Variants in NCK2 observed in about 807,000 individuals in gnomAD.
NCK2 encodes NCK adaptor protein 2.
In NCK2, 16 loss-of-function variants were observed where a neutral mutation model predicts 33.9. That is an observed-to-expected ratio of 0.47 (90% confidence interval 0.32 to 0.72). The LOEUF (loss-of-function observed/expected upper bound fraction) is 0.72. Among genes scored for constraint, NCK2 ranks in the 30% least tolerant of loss-of-function variants. The pLI, the probability that NCK2 is intolerant of heterozygous loss-of-function variation, is 0.03. For missense variants in NCK2, 418 were observed against 537.3 expected (o/e 0.78, Z 2.19); for synonymous variants, 273 against 239.9 (o/e 1.14, Z -1.27).
intron 2 of NCK2, among the ~76,000 whole-genome samples, chr2:105,832,906 T>C (rs1573175027): frequency 2.0e-5 from 3 of 151,684 alleles, no homozygotes; most frequent in Admixed American, 2.0e-4. Flanking sequence ...TTTTTTGGAA[T>C]AGTTTGAAAA....
chr2:105,812,129 T>G (rs1276942256), intron 1 of NCK2, among the ~76,000 whole-genome samples: 1 of 152,160 alleles, frequency 6.6e-6, no homozygotes, highest in African/African-American at 2.4e-5. Flanking sequence ...GCAGAAAAAC[T>G]TGATACTTTT....
chr2:105,807,764 TTCTCTCCCTCCCTCCCTCCCTTCTC>T, intron 1 of NCK2, among the ~76,000 whole-genome samples: 1 of 16,320 alleles, frequency 6.1e-5, no homozygotes, highest in Middle Eastern at 0.024. Context: ...CCTCCCTCCC[TTCTCTCCCTCCCTCCCTCCCTTCTC>T]TCTCTCCCTC....
chr2:105,893,149 G>T lies in NCK2; in HGVS notation c.1116G>T (p.Lys372Asn). The T allele has an allele frequency of 6.2e-7, 1 of 1,606,912 alleles. No individual in the cohort carries two copies. Among genetic ancestry groups the T allele is most frequent in the Admixed American group, 1.7e-5 (1 of 59,070 alleles). Residue 372 changes from lysine (K) to asparagine (N), a missense_variant, in exon 5 of 5, where the codon AAG becomes AAT. Transcript: ENST00000233154. ...APIFTSEHGE[K>N]LYLVRALQ ...TCTTCACCAGCGAGCACGGGGAGAA[G>T]CTCTACCTCGTCAGGGCCCTGCAGT...
At chr2:105,792,940 G>A (rs1021345655) in intron 1 of NCK2, among the ~76,000 whole-genome samples, 9 of 152,216 alleles carry the variant, frequency 5.9e-5, no homozygotes, top group African/African-American at 1.9e-4. Context: ...CTATTACCCC[G>A]ACGTGCAGTT....
intron 1 of NCK2, among the ~76,000 whole-genome samples, chr2:105,805,339 C>T (rs1056360600): frequency 1.3e-4 from 20 of 152,090 alleles, no homozygotes; most frequent in Admixed American, 1.3e-3. Flanking sequence ...ATGAACATAC[C>T]TTGACCATTT....
rs896182587 is a variant in NCK2, at chr2:105,845,697, G to A, written c.-16-9351G>A. On this transcript the variant is annotated intron_variant, in intron 2 of 4. Coordinates refer to ENST00000233154, the MANE Select transcript of NCK2 (RefSeq NM_003581.5). ...ATGTGAGCCACCACGCCCAGCCGAG[G>A]TTTTTTTGAAGTAGATGTTTAAGTT... Among the ~76,000 whole-genome samples the A allele has an allele frequency of 7.9e-5, 12 of 152,040 alleles. No homozygotes were observed. In the South Asian group the frequency reaches 2.1e-3, roughly 26 times the overall value.
chr2:105,750,460 G>T (rs532544784), intron 1 of NCK2, among the ~76,000 whole-genome samples: 2 of 152,278 alleles, frequency 1.3e-5, no homozygotes, highest in South Asian at 4.1e-4. Flanking sequence ...GTCTGTCTAG[G>T]TTCCACAACA....
intron 2 of NCK2, among the ~76,000 whole-genome samples, chr2:105,845,883 C>G (rs1305729503): frequency 1.3e-5 from 2 of 152,128 alleles, no homozygotes; most frequent in African/African-American, 4.8e-5. Flanking sequence ...CCACCAAAGA[C>G]ATCTATGTCC....
At chr2:105,876,878 C>T (rs1035451326) in intron 3 of NCK2, among the ~76,000 whole-genome samples, 1 of 152,152 alleles carries the variant, frequency 6.6e-6, no homozygotes, top group African/African-American at 2.4e-5. Context: ...GAGAGGCAGT[C>T]GCTTAGAGCC....
intron 1 of NCK2, among the ~76,000 whole-genome samples, chr2:105,808,065 G>A (rs1390547041): frequency 6.6e-6 from 1 of 152,006 alleles, no homozygotes; most frequent in Admixed American, 6.6e-5. Context: ...GCTATGCCCA[G>A]CTAGTTTTTG....
rs1257194389 is a variant in NCK2 at position 105,744,995 on chromosome 2, G to C, written c.-344G>C. On this transcript the variant is annotated 5_prime_UTR_variant, in exon 1 of 5. Coordinates refer to ENST00000233154, the MANE Select transcript of NCK2 (RefSeq NM_003581.5). ...AGGCTCGCGGCGCCCGGGCCGGCAGGGTCCGCCCGGGCCGGCAGCGTCCGC... is the reference window on the plus strand; with the variant it reads ...AGGCTCGCGGCGCCCGGGCCGGCAGCGTCCGCCCGGGCCGGCAGCGTCCGC... The C allele has an allele frequency of 7.8e-5, 11 of 140,546 alleles. No homozygotes were observed. The highest frequency in any genetic ancestry group is 2.6e-4 in the African/African-American group (10 of 37,894). 8.7% of individuals were successfully genotyped at this position (140,546 alleles called of 1,614,324 possible).
chr2:105,868,423 G>A (rs1379681634), intron 3 of NCK2, among the ~76,000 whole-genome samples: 1 of 152,240 alleles, frequency 6.6e-6, no homozygotes. Flanking sequence ...CCTGGAAGCA[G>A]GCCGTGCTGA....
intron 3 of NCK2, among the ~76,000 whole-genome samples, chr2:105,871,791 G>A (rs899412407): frequency 1.3e-5 from 2 of 152,116 alleles, no homozygotes; most frequent in African/African-American, 2.4e-5. Flanking sequence ...CACTGTGCCC[G>A]GCCTGGTTTT....
At chr2:105,856,638 G>A (rs1487118437) in intron 3 of NCK2, 1 of 152,190 alleles carries the variant, frequency 6.6e-6, no homozygotes, top group African/African-American at 2.4e-5. Flanking sequence ...CATGTATTAG[G>A]TAGTATTTTT....
chr2:105,879,291 A>T (rs1392587243), intron 3 of NCK2, among the ~76,000 whole-genome samples: 2 of 152,214 alleles, frequency 1.3e-5, no homozygotes, highest in African/African-American at 4.8e-5. Context: ...AGCTGTTTTG[A>T]TAAGGCCGTG....
intron 1 of NCK2, among the ~76,000 whole-genome samples, chr2:105,781,721 T>G (rs942440515): frequency 7.2e-5 from 11 of 152,216 alleles, no homozygotes; most frequent in African/African-American, 2.7e-4. Context: ...GCTTGGCAAG[T>G]GATAATCCTG....
intron 2 of NCK2, among the ~76,000 whole-genome samples, chr2:105,822,754 T>A (rs1390987932): frequency 6.6e-6 from 1 of 152,070 alleles, no homozygotes; most frequent in African/African-American, 2.4e-5. Context: ...TTTTCAGTGA[T>A]TCTCTGAATT....
chr2:105,845,144 T>C (rs772018162), intron 2 of NCK2, among the ~76,000 whole-genome samples: 18 of 152,264 alleles, frequency 1.2e-4, no homozygotes, highest in South Asian at 4.1e-4. Flanking sequence ...TGCTTAGGAA[T>C]GTGGGCATAA....
chr2:105,775,015 C>T (rs1266958809), intron 1 of NCK2, among the ~76,000 whole-genome samples: 2 of 151,990 alleles, frequency 1.3e-5, no homozygotes, highest in Non-Finnish European at 2.9e-5. Flanking sequence ...CCTGTCTCTA[C>T]AATGATAATA....
Sources: gnomAD v4.1 joint callset for allele counts (sites outside exome capture counted in the v4.1 genomes callset) on GRCh38, gnomAD v4.1.1 for gene constraint, MANE v1.5 for transcripts, NCBI Gene and HGNC (gene_info 2026-07-23, HGNC 2026-07-21) for gene names.